AGTPBP1: variants seen among roughly 807,000 people sequenced by gnomAD.
The protein encoded by AGTPBP1 is cytosolic carboxypeptidase 1.
In AGTPBP1, 70 loss-of-function variants were observed where a neutral mutation model predicts 143.9. That is an observed-to-expected ratio of 0.49 (90% CI 0.40 to 0.59). The LOEUF (loss-of-function observed/expected upper bound fraction) is 0.59. Among genes scored for constraint, AGTPBP1 ranks in the 20% least tolerant of loss-of-function variants. The pLI is 0.00. For synonymous variants in AGTPBP1, 463 were observed against 500.2 expected, an observed-to-expected ratio of 0.93 and a Z score of 0.99; for missense variants, 1,229 against 1,464.5, an observed-to-expected ratio of 0.84 and a Z score of 2.62.
the AGTPBP1 span, chr9:85,770,175 C>G: frequency 1.4e-6 from 1 of 715,396 alleles, no homozygotes; most frequent in Middle Eastern, 3.4e-4. Flanking sequence ...AAATGTAGTA[C>G]AAGAGTGGTA....
chr9:85,734,415 C>T (rs1412413532), intron 1 of AGTPBP1, among the ~76,000 whole-genome samples: 1 of 150,566 alleles, frequency 6.6e-6, no homozygotes, highest in African/African-American at 2.4e-5. Context: ...AAGGCCAGTA[C>T]AGCCCTGATA....
At chr9:85,604,435 T>C (rs959490494) in intron 17 of AGTPBP1, among the ~76,000 whole-genome samples, 1 of 152,190 alleles carries the variant, frequency 6.6e-6, no homozygotes, top group African/African-American at 2.4e-5. Flanking sequence ...AATGCAGATA[T>C]GGCTGCAGTG....
intron 25 of AGTPBP1, among the ~76,000 whole-genome samples, chr9:85,561,801 C>T (rs1464343276): frequency 1.3e-5 from 2 of 150,714 alleles, no homozygotes; most frequent in Non-Finnish European, 3.0e-5. Flanking sequence ...TATAAGAATC[C>T]TGTATTGTCC....
At chr9:85,642,583 C>T (rs113892906) in intron 13 of AGTPBP1, among the ~76,000 whole-genome samples, 2,572 of 151,828 alleles carry the variant, frequency 0.017, 39 homozygotes, top group African/African-American at 0.038. Context: ...CCACATACCT[C>T]GGCCTCCCAA....
Position 85,692,837 on chromosome 9 carries a change from G to A in AGTPBP1, c.33-24C>T, listed in dbSNP as rs1835969130. The A allele has an allele frequency of 2.5e-6, 4 of 1,606,422 alleles. No homozygotes were observed. The South Asian group carries it at 4.5e-5, about 18-fold the overall frequency. ...GGCTAAAAAGAACGTAGAATGTTAG[G>A]GCACATTCTAAATCAATGGTGTAAA... On this transcript the variant is annotated intron_variant, in intron 2 of 25. Coordinates refer to ENST00000357081, the MANE Select transcript of AGTPBP1 (RefSeq NM_001330701.2).
In AGTPBP1 at chr9:85,692,576, A is replaced by C. The variant is rs1032895079; in HGVS notation, c.157+113T>G. On this transcript the variant is annotated intron_variant, in intron 3 of 25. Transcript: ENST00000357081. ...GGTGTGAGCCACCACACCCGGCCTG[A>C]AAGTTCAATTTTTGTGGAAAATCAT... is the stretch of plus-strand genomic sequence containing the variant. 2.3e-5 allele frequency: 32 copies of C among 1,386,716 alleles called. No homozygotes were observed. The African/African-American group carries it at 4.3e-4, about 19-fold the overall frequency. The allele number at this position is 1,386,716 out of a possible 1,614,324, so 85.9% of individuals were successfully genotyped here.
At chr9:85,651,615 G>A (rs927302469) in intron 11 of AGTPBP1, among the ~76,000 whole-genome samples, 7 of 152,172 alleles carry the variant, frequency 4.6e-5, no homozygotes, top group African/African-American at 1.7e-4. Flanking sequence ...CTGACTGGCT[G>A]GAGTAATATT....
At chr9:85,597,810 T>C (rs1322241980) in intron 17 of AGTPBP1, among the ~76,000 whole-genome samples, 1 of 152,152 alleles carries the variant, frequency 6.6e-6, no homozygotes, top group Non-Finnish European at 1.5e-5. Context: ...ACAGGTTTCC[T>C]ATCGTTGAAC....
At chr9:85,570,816 CT>C (rs1276753437) in intron 25 of AGTPBP1, among the ~76,000 whole-genome samples, 1 of 152,126 alleles carries the variant, frequency 6.6e-6, no homozygotes, top group Non-Finnish European at 1.5e-5. Context: ...TTTTAAAAAG[CT>C]CCCTCCCTTT....
At chr9:85,773,970 C>G in the AGTPBP1 span, 9 of 1,610,236 alleles carry the variant, frequency 5.6e-6, no homozygotes, top group Non-Finnish European at 7.6e-6. Context: ...GCAGTGTGAC[C>G]GGAGACTGAC....
intron 24 of AGTPBP1, among the ~76,000 whole-genome samples, chr9:85,578,662 T>C (rs1414521108): frequency 6.6e-6 from 1 of 152,152 alleles, no homozygotes; most frequent in East Asian, 1.9e-4. Flanking sequence ...TGTGCTTTCC[T>C]AAAAATTATG....
At chr9:85,672,732 A>AT (rs35158140) in intron 6 of AGTPBP1, 51 bp from the exon 7 acceptor site, 130,161 of 910,844 alleles carry the variant, frequency 0.14, 1,012 homozygotes, top group African/African-American at 0.17. Context: ...TTTCTTTTTA[A>AT]TTTTTTTTTT....
the AGTPBP1 span, among the ~76,000 whole-genome samples, chr9:85,803,646 T>C: frequency 6.6e-6 from 1 of 152,348 alleles, no homozygotes. Flanking sequence ...GACTTTGTTT[T>C]CTTCTTTTAT....
chr9:85,746,445 G>A (rs2134918773), upstream of AGTPBP1, among the ~76,000 whole-genome samples: 1 of 152,228 alleles, frequency 6.6e-6, no homozygotes, highest in East Asian at 1.9e-4. Flanking sequence ...AACATAGTGA[G>A]ACCCCCCACA....
chr9:85,611,655 T>G (rs891719708), intron 17 of AGTPBP1, among the ~76,000 whole-genome samples: 4 of 152,112 alleles, frequency 2.6e-5, no homozygotes, highest in African/African-American at 9.7e-5. Flanking sequence ...ATATAGAAAG[T>G]TGAATAGATG....
Position 85,632,830 on chromosome 9 carries a change from A to G in AGTPBP1, c.1847T>C (p.Val616Ala). The G allele has an allele frequency of 6.2e-7, 1 of 1,614,146 alleles. No individual in the cohort carries two copies. The highest frequency in any genetic ancestry group is 8.5e-7 in the Non-Finnish European group (1 of 1,180,016). ...ESNSSVEQAS[V>A]EVPDGPTLHD... ...GAGTGTTGGTCCATCAGGTACTTCA[A>G]CCGATGCTTGTTCTACCGATGAATT... The change falls in exon 14 of 26, where the codon GTT (valine) becomes GCT (alanine). Residue 616 changes from valine to alanine, a missense_variant. By Grantham distance (64) the Val-to-Ala change is moderately conservative. Around this residue, in one of 2 missense-constraint regions of AGTPBP1, gnomAD observed 743 missense variants for 812.2 expected, o/e 0.91. Transcript: ENST00000357081.
intron 22 of AGTPBP1, among the ~76,000 whole-genome samples, chr9:85,586,248 A>C (rs2133171126): frequency 6.6e-6 from 1 of 152,176 alleles, no homozygotes; most frequent in African/African-American, 2.4e-5. Flanking sequence ...ACAACAAACA[A>C]GAAAATGCTC....
intron 8 of AGTPBP1, among the ~76,000 whole-genome samples, chr9:85,667,337 A>T (rs143500622): frequency 7.9e-4 from 120 of 152,266 alleles, no homozygotes; most frequent in Middle Eastern, 3.4e-3. Flanking sequence ...AAACACTGGA[A>T]ATGTCCTGAA....
At chr9:85,635,904 T>C (rs1587793221) in intron 13 of AGTPBP1, among the ~76,000 whole-genome samples, 1 of 151,466 alleles carries the variant, frequency 6.6e-6, no homozygotes, top group South Asian at 2.1e-4. Flanking sequence ...TGGTGAAAAG[T>C]AGCACCACTC....
Sources: allele counts gnomAD v4.1 joint callset (sites outside exome capture counted in the v4.1 genomes callset), GRCh38; gene constraint gnomAD v4.1.1; regional missense constraint gnomAD v4.1.1; transcripts MANE v1.5; gene names NCBI Gene and HGNC (gene_info 2026-07-23, HGNC 2026-07-21).